The following NUP188 variants were observed in gnomAD, a reference collection of about 807,000 sequenced individuals.
NUP188 encodes nucleoporin NUP188.
Under a neutral mutation model 223.0 loss-of-function variants are expected in NUP188, and 97 were observed. The observed-to-expected ratio is 0.43, with a 90% CI of 0.37 to 0.51. The LOEUF is 0.51. Ranked by LOEUF, NUP188 falls within the 20% of genes least tolerant of loss-of-function variation. The pLI, the probability that NUP188 is intolerant of heterozygous loss-of-function variation, is 0.00. For missense variants in NUP188, 1,947 were observed against 2,175.6 expected, an observed-to-expected ratio of 0.89 and a Z score of 2.09; for synonymous variants, 869 against 828.0, an observed-to-expected ratio of 1.05 and a Z score of -0.85.
At chr9:128,984,143 T>TTTTTTTTTTTTTTTTTTTTTTTTTTTG in intron 19 of NUP188, among the ~76,000 whole-genome samples, 1 of 145,122 alleles carries the variant, frequency 6.9e-6, no homozygotes, top group African/African-American at 2.7e-5. Flanking sequence ...TTTTTTTTTT[T>TTTTTTTTTTTTTTTTTTTTTTTTTTTG]GAGATGGAGT....
chr9:128,987,819 C>G, intron 23 of NUP188, 102 bp downstream of exon 23: 4 of 1,455,294 alleles, frequency 2.7e-6, no homozygotes, highest in Non-Finnish European at 3.8e-6. Flanking sequence ...TAGAAGACGA[C>G]ATTGTTCTTC....
At chr9:128,958,127 C>A in intron 6 of NUP188, 73 bp downstream of exon 6, 1 of 1,223,084 alleles carries the variant, frequency 8.2e-7, no homozygotes, top group Non-Finnish European at 1.2e-6. Flanking sequence ...TTTTCCTGAG[C>A]ATTGCTGGCT....
At chr9:128,990,342 C>A in intron 25 of NUP188, 116 bp downstream of exon 25, 1 of 846,820 alleles carries the variant, frequency 1.2e-6, no homozygotes, top group Non-Finnish European at 2.0e-6. Flanking sequence ...ATAATTCCAG[C>A]ACTTTGGGAG....
At chr9:129,005,248 G>A in intron 39 of NUP188, 27 bp downstream of exon 39, 2 of 1,611,668 alleles carry the variant, frequency 1.2e-6, no homozygotes, top group Non-Finnish European at 1.7e-6. Flanking sequence ...ATGAGGTCCT[G>A]GAATACCTCA....
At chr9:128,997,312 G>A (rs1390803016) in intron 30 of NUP188, among the ~76,000 whole-genome samples, 1 of 152,190 alleles carries the variant, frequency 6.6e-6, no homozygotes, top group Admixed American at 6.5e-5. Context: ...AGTTGGACCA[G>A]ATCCTGTGGG....
intron 30 of NUP188, 141 bp from the exon 31 acceptor site, chr9:128,998,010 C>T (rs1842560370): frequency 1.5e-5 from 10 of 680,812 alleles, no homozygotes; most frequent in Admixed American, 6.3e-5. Context: ...TGAGCCACCA[C>T]GCCCGGCCTA....
intron 22 of NUP188, among the ~76,000 whole-genome samples, chr9:128,987,183 A>G (rs1842349436): frequency 6.6e-6 from 1 of 151,380 alleles, no homozygotes; most frequent in South Asian, 2.1e-4. Context: ...TCGTTACAAA[A>G]GTTCATTCCT....
chr9:129,006,055 CAAG>C lies in NUP188; in HGVS notation c.4878_4880del (p.Lys1628del), dbSNP rs1214504760. On this transcript the variant is annotated inframe_deletion, in exon 42 of 44. Transcript: ENST00000372577. ...TTACCCTTGCTTCTCTTCAGCTGGA[CAAG>C]AAAAAGGAGCCCCTCACCCAGGCAG... 1 of 1,614,170 alleles carries C rather than the reference CAAG, an allele frequency of 6.2e-7. No individual in the cohort carries two copies. Among genetic ancestry groups the C allele is most frequent in the South Asian group, 1.1e-5 (1 of 91,084 alleles).
At position 128,969,532 on chromosome 9, in the gene NUP188, CT is replaced by C. The variant is rs749678344; in HGVS notation, c.912+26del. 14 of 1,393,644 alleles carry C rather than the reference CT, an allele frequency of 1.0e-5. No homozygotes were observed. Among genetic ancestry groups the C allele is most frequent in the South Asian group, 2.7e-5 (2 of 72,792 alleles). The allele number at this position is 1,393,644 out of a possible 1,614,324, so 86.3% of individuals were successfully genotyped here. A position where few individuals can be genotyped will look rare whatever the true frequency, so the allele number is the denominator to read the frequency against. The stretch of plus-strand genomic sequence containing the variant: ...TTTGTCAGGTGACTTGGAATAGCCT[CT>C]TTTTTTTCAGAGGGTTTATAAGTTA... On this transcript the variant is annotated intron_variant, in intron 10 of 43. Transcript: ENST00000372577.
Position 128,954,117 on chromosome 9 carries a change from G to A in NUP188, c.161+1271G>A, listed in dbSNP as rs1380100593. Reference sequence around the variant, plus strand: ...AGTGCTGAGATTACAGGCGTGAGCCGTCATACCCAGCCTATTGTTTTCTTT... The same window carrying A: ...AGTGCTGAGATTACAGGCGTGAGCCATCATACCCAGCCTATTGTTTTCTTT... On this transcript the variant is annotated intron_variant, in intron 3 of 43. Transcript: ENST00000372577. Among the ~76,000 whole-genome samples, 8 of 151,010 alleles carry A rather than the reference G, an allele frequency of 5.3e-5. No individual in the cohort carries two copies. The South Asian group carries it at 6.3e-4, about 12-fold the overall frequency.
intron 2 of NUP188, among the ~76,000 whole-genome samples, chr9:128,951,283 G>A (rs1841781126): frequency 2.0e-5 from 3 of 150,376 alleles, no homozygotes; most frequent in African/African-American, 4.9e-5. Context: ...CTCCAGCCTG[G>A]GTGACAAAGC....
chr9:129,000,428 C>T (rs1305327214), intron 34 of NUP188, among the ~76,000 whole-genome samples: 1 of 152,242 alleles, frequency 6.6e-6, no homozygotes, highest in East Asian at 2.0e-4. Context: ...ACGCCATTCT[C>T]CCACCTCAGC....
chr9:128,978,633 G>A (rs960842094), intron 12 of NUP188, among the ~76,000 whole-genome samples: 1 of 151,228 alleles, frequency 6.6e-6, no homozygotes, highest in African/African-American at 2.4e-5. Context: ...CTCTAGTCTG[G>A]GTGATAGAGC....
chr9:128,986,914 A>G (rs1262493614), intron 22 of NUP188, 39 bp downstream of exon 22: 13 of 1,583,984 alleles, frequency 8.2e-6, no homozygotes, highest in South Asian at 2.2e-5. Context: ...GTGCTCGCCA[A>G]GGCAAGACAC....
intron 6 of NUP188, among the ~76,000 whole-genome samples, chr9:128,958,574 C>T (rs1841901940): frequency 6.6e-6 from 1 of 152,120 alleles, no homozygotes; most frequent in Admixed American, 6.6e-5. Flanking sequence ...TTTTTGGAAA[C>T]TTGTGTATAT....
At chr9:128,994,987 C>A in intron 29 of NUP188, 64 bp downstream of exon 29, 1 of 1,222,548 alleles carries the variant, frequency 8.2e-7, no homozygotes, top group Non-Finnish European at 1.2e-6. Flanking sequence ...GGTGGCCTAC[C>A]ACTGGGTGCA....
At position 129,007,061 on chromosome 9, in the gene NUP188, C is replaced by G. The variant is rs1842828263; in HGVS notation, c.*383C>G. 2 of 176,412 alleles carry G rather than the reference C, an allele frequency of 1.1e-5. No individual in the cohort carries two copies. Among genetic ancestry groups the G allele is most frequent in the Non-Finnish European group, 2.4e-5 (2 of 84,702 alleles). 10.9% of individuals were successfully genotyped at this position (176,412 alleles called of 1,614,324 possible). On this transcript the variant is annotated 3_prime_UTR_variant, in exon 44 of 44. Coordinates refer to ENST00000372577, the MANE Select transcript of NUP188 (RefSeq NM_015354.3). ...TTTGCAGTTTTGGTAATTCTGTGGT[C>G]TATTTATACAGATATTAAAATCTTG...
At chr9:128,984,753 G>A (rs927582005) in intron 19 of NUP188, 147 bp from the exon 20 acceptor site, 80 of 537,924 alleles carry the variant, frequency 1.5e-4, no homozygotes, top group Non-Finnish European at 2.7e-5. Context: ...CCTGGGTACA[G>A]AACTGTCTTG....
intron 31 of NUP188, 40 bp from the exon 32 acceptor site, chr9:128,998,498 C>T (rs1486540538): frequency 1.9e-6 from 3 of 1,561,430 alleles, no homozygotes; most frequent in South Asian, 2.2e-5. Context: ...GCATGCGAAT[C>T]TTTCCACTGA....
Sources: gnomAD v4.1 joint callset for allele counts (sites outside exome capture counted in the v4.1 genomes callset) on GRCh38, gnomAD v4.1.1 for gene constraint, MANE v1.5 for transcripts, NCBI Gene and HGNC (gene_info 2026-07-23, HGNC 2026-07-21) for gene names.